Variants in NEB observed in about 807,000 individuals in gnomAD.
NEB encodes the protein nemaline myopathy type 2.
Under a neutral mutation model 952.2 loss-of-function variants are expected in NEB, and 512 were observed. The observed-to-expected ratio is 0.54, with a 90% CI of 0.50 to 0.58. The LOEUF is 0.58. Among genes scored for constraint, NEB ranks in the 20% least tolerant of loss-of-function variants. The pLI, the probability that NEB is intolerant of heterozygous loss-of-function variation, is 0.00. For synonymous variants in NEB, 2,900 were observed against 3,149.8 expected, an observed-to-expected ratio of 0.92 and a Z score of 2.66; for missense variants, 8,428 against 9,231.1, an observed-to-expected ratio of 0.91 and a Z score of 3.56.
intron 47 of NEB, among the ~76,000 whole-genome samples, 154 bp downstream of exon 47, chr2:151,658,911 C>A (rs2099115866): frequency 6.6e-6 from 1 of 152,156 alleles, no homozygotes; most frequent in Non-Finnish European, 1.5e-5. Context: ...TACTCCAACT[C>A]CGCAAAGCAA....
intron 153 of NEB, 24 bp from the exon 154 acceptor site, chr2:151,519,792 A>T: frequency 6.8e-7 from 1 of 1,465,788 alleles, no homozygotes; most frequent in Non-Finnish European, 9.6e-7. Context: ...CAAACATCCA[A>T]ATTATTCCTG....
intron 65 of NEB, among the ~76,000 whole-genome samples, chr2:151,631,830 T>C (rs2098673525): frequency 6.6e-6 from 1 of 152,228 alleles, no homozygotes. Flanking sequence ...ACAATGTGGG[T>C]AGATAAATTA....
In NEB at chr2:151,513,624, G is replaced by T. The variant is rs1308565985; in HGVS notation, c.23197C>A (p.Pro7733Thr). The part of the protein sequence containing the change: ...RGLNAMANET[P>T]DFMRARNATD... ...GCATTCCTGGCCCTCATAAAATCCGGAGTTTCATTGGCCATGGCATTCAGG... is the reference window on the plus strand; with the variant it reads ...GCATTCCTGGCCCTCATAAAATCCGTAGTTTCATTGGCCATGGCATTCAGG... Residue 7733 changes from proline to threonine, a missense_variant, in exon 160 of 182, where the codon CCG (proline) becomes ACG (threonine). By Grantham distance (38) the Pro-to-Thr change is conservative. Around this residue, in one of 11 missense-constraint regions of NEB, gnomAD observed 3,374 missense variants for 3,651.5 expected, o/e 0.92. Coordinates refer to ENST00000397345, the MANE Select transcript of NEB (RefSeq NM_001164508.2). The T allele has an allele frequency of 1.2e-6, 2 of 1,610,432 alleles. No homozygotes were observed. The highest frequency in any genetic ancestry group is 2.2e-5 in the East Asian group (1 of 44,824).
intron 24 of NEB, 124 bp from the exon 25 acceptor site, chr2:151,688,520 T>G (rs1265817077): frequency 5.5e-6 from 4 of 724,596 alleles, no homozygotes; most frequent in Admixed American, 2.1e-5. Context: ...CTCAATTCAG[T>G]CAAAGTCTCG....
At chr2:151,656,652 G>T (rs903240583) in intron 48 of NEB, among the ~76,000 whole-genome samples, 188 bp from the exon 49 acceptor site, 1 of 151,916 alleles carries the variant, frequency 6.6e-6, no homozygotes, top group Admixed American at 6.6e-5. Flanking sequence ...TCTCCCTTGT[G>T]AGGTAGATAG....
At chr2:151,488,864 A>G (rs1270516901) in intron 181 of NEB, among the ~76,000 whole-genome samples, 1 of 152,040 alleles carries the variant, frequency 6.6e-6, no homozygotes, top group East Asian at 1.9e-4. Flanking sequence ...TCTGGACTTC[A>G]TCTATTTTTG....
In NEB at chr2:151,567,451, T is replaced by C; in HGVS notation, c.17873A>G (p.Gln5958Arg). The change falls in exon 114 of 182, where the codon CAA becomes CGA. Residue 5958 changes from glutamine (Q) to arginine (R), a missense_variant. By Grantham distance (43) the Gln-to-Arg change is conservative (BLOSUM62 1). Coordinates refer to ENST00000397345, the MANE Select transcript of NEB (RefSeq NM_001164508.2). ...CGGGACACCAACATAATGACCTTTT[T>C]GCTTCACATGTTCAGCTTTGTATTT... ...ELKYKAEHVK[Q>R]KGHYVGVPTM... is the part of the protein sequence containing the mutation. 6.2e-7 allele frequency: 1 copy of C among 1,612,484 alleles called. No individual in the cohort carries two copies.
At chr2:151,572,545 T>C (rs965991318) in intron 107 of NEB, among the ~76,000 whole-genome samples, 3 of 145,572 alleles carry the variant, frequency 2.1e-5, no homozygotes, top group South Asian at 2.1e-4. Context: ...AAAGTATATA[T>C]ATATATACTT....
chr2:151,485,437 G>C lies in NEB; in HGVS notation c.*323C>G. ...AATAATAAGCATTAGCAATCAGCAA[G>C]GAAAAGGTGAACATCTCTGCTATTT... On this transcript the variant is annotated 3_prime_UTR_variant, in exon 182 of 182. Coordinates refer to ENST00000397345, the MANE Select transcript of NEB (RefSeq NM_001164508.2). 4.9e-6 allele frequency: 1 copy of C among 205,800 alleles called. No homozygotes were observed. 12.7% of individuals were successfully genotyped at this position (205,800 alleles called of 1,614,324 possible). A position where few individuals can be genotyped will look rare whatever the true frequency, so the allele number is the denominator to read the frequency against.
chr2:151,612,154 A>G, intron 78 of NEB, 32 bp downstream of exon 78: 1 of 1,595,662 alleles, frequency 6.3e-7, no homozygotes, highest in Non-Finnish European at 8.6e-7. Context: ...GGAAGGTATG[A>G]TTCTGGCAAC....
At chr2:151,609,654 T>C (rs1317375256) in intron 81 of NEB, among the ~76,000 whole-genome samples, 155 bp downstream of exon 81, 1 of 152,214 alleles carries the variant, frequency 6.6e-6, no homozygotes, top group East Asian at 1.9e-4. Context: ...CTACTAAAGA[T>C]GGATTTTATA....
In NEB at chr2:151,612,352, A is replaced by G. The variant is rs1243920589; in HGVS notation, c.11639T>C (p.Ile3880Thr). ...YKSDLEWLRG[I>T]GWVPIGSVEV... is the part of the protein sequence containing the mutation. ...TACAGAGCCAATGGGAACCCATCCT[A>G]TGCCTCTCAGCCACTCAAGATCAGA... The change falls in exon 78 of 182, where the codon ATA (isoleucine) becomes ACA (threonine). Residue 3880 changes from isoleucine to threonine, a missense_variant. By Grantham distance (89) the Ile-to-Thr change is moderately conservative. Around this residue, in one of 11 missense-constraint regions of NEB, gnomAD observed 337 missense variants for 297.5 expected, o/e 1.13. Transcript: ENST00000397345. 1.2e-6 allele frequency: 2 copies of G among 1,613,846 alleles called. No homozygotes were observed. Among genetic ancestry groups the G allele is most frequent in the Non-Finnish European group, 1.7e-6 (2 of 1,179,798 alleles).
chr2:151,527,603 G>A lies in NEB; in HGVS notation c.21736-18C>T, dbSNP rs768146328. ...TAGTCCAGCTGTTTTTAACAGGAGAGAAAGGAATCACTTGATTCAGTAGGC... is the reference window on the plus strand; with the variant it reads ...TAGTCCAGCTGTTTTTAACAGGAGAAAAAGGAATCACTTGATTCAGTAGGC... On this transcript the variant is annotated intron_variant, in intron 146 of 181. Coordinates refer to ENST00000397345, the MANE Select transcript of NEB (RefSeq NM_001164508.2). 5 of 1,581,970 alleles carry A rather than the reference G, an allele frequency of 3.2e-6. No individual in the cohort carries two copies. The highest frequency in any genetic ancestry group is 1.1e-5 in the South Asian group (1 of 88,798).
intron 12 of NEB, among the ~76,000 whole-genome samples, chr2:151,708,657 C>G (rs920980926): frequency 1.3e-5 from 2 of 152,204 alleles, no homozygotes; most frequent in Admixed American, 1.3e-4. Context: ...CCATATATCT[C>G]CCCTGAAACT....
chr2:151,623,130 T>C (rs2098450918), intron 71 of NEB, among the ~76,000 whole-genome samples: 1 of 152,204 alleles, frequency 6.6e-6, no homozygotes, highest in African/African-American at 2.4e-5. Context: ...TAGCTGAGGT[T>C]TGAAAGCAGC....
rs113558009 is a variant in NEB at position 151,709,383 on chromosome 2, G to C, written c.1035+273C>G. 2.0e-3 allele frequency among the ~76,000 whole-genome samples: 312 copies of C among 152,224 alleles called. 3 individuals are homozygous for C. Among genetic ancestry groups the C allele is most frequent in the African/African-American group, 7.3e-3 (303 of 41,522 alleles). On this transcript the variant is annotated intron_variant, in intron 12 of 181. Coordinates refer to ENST00000397345, the MANE Select transcript of NEB (RefSeq NM_001164508.2). Reference sequence around the variant, plus strand: ...GGTTCCTCAGGCAAATAATAAATTAGGAAATATTGAAGATGGTAATTAGAT... The same window carrying C: ...GGTTCCTCAGGCAAATAATAAATTACGAAATATTGAAGATGGTAATTAGAT...
At position 151,524,398 on chromosome 2, in the gene NEB, C is replaced by T. The variant is rs776859526; in HGVS notation, c.22392G>A (p.Lys7464=). ...KQASEVEYRA[K]HRKEGSHGLS... is the part of the protein sequence containing the mutation. Reference sequence around the variant, plus strand: ...AGCCATGGCTGCCTTCCTTGCGGTGCTTGGCTCTGTACTCCACCTGAATCA... The same window carrying T: ...AGCCATGGCTGCCTTCCTTGCGGTGTTTGGCTCTGTACTCCACCTGAATCA... Residue 7464 remains lysine, a synonymous_variant, in exon 153 of 182, where the codon AAG becomes AAA. Coordinates refer to ENST00000397345, the MANE Select transcript of NEB (RefSeq NM_001164508.2). 1.9e-6 allele frequency: 3 copies of T among 1,613,844 alleles called. No homozygotes were observed. Among genetic ancestry groups the T allele is most frequent in the Non-Finnish European group, 2.5e-6 (3 of 1,179,880 alleles).
At chr2:151,557,738 T>A (rs1577414555) in intron 124 of NEB, among the ~76,000 whole-genome samples, 1 of 152,100 alleles carries the variant, frequency 6.6e-6, no homozygotes, top group Admixed American at 6.6e-5. Flanking sequence ...AAATGTAATC[T>A]ATCACATAAA....
chr2:151,665,017 T>C (rs555237537), intron 42 of NEB, among the ~76,000 whole-genome samples, 154 bp from the exon 43 acceptor site: 1 of 152,184 alleles, frequency 6.6e-6, no homozygotes, highest in East Asian at 1.9e-4. Flanking sequence ...GTAAACTAAA[T>C]ACACAATAAG....
Sources: gnomAD v4.1 joint callset for allele counts (sites outside exome capture counted in the v4.1 genomes callset) on GRCh38, gnomAD v4.1.1 for gene constraint, gnomAD v4.1.1 regional missense constraint, MANE v1.5 for transcripts, NCBI Gene and HGNC (gene_info 2026-07-23, HGNC 2026-07-21) for gene names.